The following SLC35F2 variants were observed in gnomAD, a reference collection of about 807,000 sequenced individuals.
The protein encoded by SLC35F2 is solute carrier family 35 member F2, also known as queuine/queuosine transporter SLC35F2.
Under a neutral mutation model 38.1 loss-of-function variants are expected in SLC35F2, and 25 were observed. The observed-to-expected ratio is 0.66, with a 90% CI of 0.48 to 0.92. SLC35F2 has a LOEUF of 0.92. Ranked by LOEUF, SLC35F2 falls within the 40% of genes least tolerant of loss-of-function variation. The probability of loss-of-function intolerance (pLI) is 0.00; values close to 1 mark genes in which losing one functional copy is unlikely to be tolerated. For synonymous variants in SLC35F2, 173 were observed against 181.7 expected, an observed-to-expected ratio of 0.95 and a Z score of 0.38; for missense variants, 409 against 452.9, an observed-to-expected ratio of 0.90 and a Z score of 0.88.
intron 7 of SLC35F2, among the ~76,000 whole-genome samples, chr11:107,802,242 A>AAAAAAAAAAAAATAAAT (rs559048077): frequency 6.8e-6 from 1 of 147,892 alleles, no homozygotes; most frequent in Non-Finnish European, 1.5e-5. Context: ...CATCTCAAAA[A>AAAAAAAAAAAAATAAAT]AAATAAATAA....
intron 3 of SLC35F2, among the ~76,000 whole-genome samples, chr11:107,809,388 G>A (rs1859446453): frequency 6.7e-6 from 1 of 148,798 alleles, no homozygotes; most frequent in Non-Finnish European, 1.5e-5. Flanking sequence ...CAGCTACTCA[G>A]GAGGCCAAGG....
At chr11:107,818,056 CAA>C (rs57787130) in intron 1 of SLC35F2, among the ~76,000 whole-genome samples, 4,677 of 65,922 alleles carry the variant, frequency 0.071, 284 homozygotes, top group African/African-American at 0.12. Context: ...GACTCTGTCT[CAA>C]AAAAAAAAAA....
intron 7 of SLC35F2, among the ~76,000 whole-genome samples, chr11:107,797,690 T>C (rs553752683): frequency 1.1e-4 from 17 of 152,308 alleles, no homozygotes; most frequent in African/African-American, 4.1e-4. Context: ...AGATGCTCAA[T>C]TATTTCTTAA....
intron 1 of SLC35F2, among the ~76,000 whole-genome samples, chr11:107,854,152 C>A (rs1299951203): frequency 1.3e-5 from 2 of 152,044 alleles, no homozygotes; most frequent in African/African-American, 2.4e-5. Flanking sequence ...AATAATAATA[C>A]CAGGTGCAGT....
chr11:107,820,904 T>C (rs1859659452), intron 1 of SLC35F2, among the ~76,000 whole-genome samples: 2 of 152,058 alleles, frequency 1.3e-5, no homozygotes, highest in South Asian at 4.1e-4. Flanking sequence ...TTCAGTGAGC[T>C]GAGATGGCGC....
At chr11:107,828,316 C>T (rs1488203663) in intron 1 of SLC35F2, among the ~76,000 whole-genome samples, 2 of 151,696 alleles carry the variant, frequency 1.3e-5, no homozygotes, top group Non-Finnish European at 2.9e-5. Context: ...AGCCTGTAAT[C>T]CCAGCTACTC....
In SLC35F2 at chr11:107,804,713, C is replaced by T. The variant is rs1340875322; in HGVS notation, c.784+5G>A. The T allele has an allele frequency of 6.3e-7, 1 of 1,593,242 alleles. No individual in the cohort carries two copies. Among genetic ancestry groups the T allele is most frequent in the Non-Finnish European group, 8.6e-7 (1 of 1,165,836 alleles). On this transcript the variant is annotated splice_donor_5th_base_variant and intron_variant, in intron 6 of 7. Transcript: ENST00000525815. Reference sequence around the variant, plus strand: ...CTGACTAAAAGGAATTATTTCTTTACATACCAATTTTCCAGTCCCAATGAA... The same window carrying T: ...CTGACTAAAAGGAATTATTTCTTTATATACCAATTTTCCAGTCCCAATGAA...
At chr11:107,818,250 C>A (rs1859616126) in intron 1 of SLC35F2, among the ~76,000 whole-genome samples, 1 of 151,594 alleles carries the variant, frequency 6.6e-6, no homozygotes, top group Admixed American at 6.6e-5. Context: ...CGGCAACATG[C>A]CAAAACCCCA....
At chr11:107,856,030 G>A (rs1296330717) in intron 1 of SLC35F2, among the ~76,000 whole-genome samples, 3 of 150,312 alleles carry the variant, frequency 2.0e-5, no homozygotes, top group Non-Finnish European at 4.4e-5. Flanking sequence ...ACTTGAACCC[G>A]GGAGGCAGAG....
chr11:107,813,031 T>C (rs564422549), intron 2 of SLC35F2, among the ~76,000 whole-genome samples: 2 of 152,324 alleles, frequency 1.3e-5, no homozygotes, highest in East Asian at 1.9e-4. Context: ...TCACAGGAGA[T>C]GCAGAGTTGG....
chr11:107,792,504 C>T lies in SLC35F2; in HGVS notation c.*111G>A. The T allele has an allele frequency of 5.4e-6, 7 of 1,288,196 alleles. No individual in the cohort carries two copies. The South Asian group carries it at 1.2e-4, about 22-fold the overall frequency. The allele number at this position is 1,288,196 out of a possible 1,614,324, so 79.8% of individuals were successfully genotyped here. A position where few individuals can be genotyped will look rare whatever the true frequency, so the allele number is the denominator to read the frequency against. On this transcript the variant is annotated 3_prime_UTR_variant, in exon 8 of 8. Coordinates refer to ENST00000525815, the MANE Select transcript of SLC35F2 (RefSeq NM_017515.5). ...TCTAAAACCTAACCACTGGATCCAA[C>T]CCAGGGTTGTAGAGTGTCCATTCTG...
At chr11:107,827,920 A>AAATT (rs911009530) in intron 1 of SLC35F2, among the ~76,000 whole-genome samples, 6 of 152,150 alleles carry the variant, frequency 3.9e-5, no homozygotes, top group African/African-American at 9.7e-5. Flanking sequence ...CAAAATAAAT[A>AAATT]AATTAATTAA....
chr11:107,817,851 A>G (rs1440172772), intron 1 of SLC35F2, among the ~76,000 whole-genome samples: 2 of 151,282 alleles, frequency 1.3e-5, no homozygotes, highest in East Asian at 3.9e-4. Flanking sequence ...CAAAGTCAGG[A>G]GTTCGAGACC....
At chr11:107,828,263 C>T (rs1357627529) in intron 1 of SLC35F2, among the ~76,000 whole-genome samples, 7 of 151,970 alleles carry the variant, frequency 4.6e-5, no homozygotes, top group South Asian at 2.1e-4. Context: ...GGTGAAACCA[C>T]GTCTCTATTA....
rs1399191149 is a variant in SLC35F2, at chr11:107,843,863, AAAAAAATATATATATATAT to A, written c.110+14776_110+14794del. Among the ~76,000 whole-genome samples, 53 of 33,764 alleles carry A rather than the reference AAAAAAATATATATATATAT, an allele frequency of 1.6e-3. 2 individuals carry two copies. The highest frequency in any genetic ancestry group is 5.0e-3 in the Admixed American group (12 of 2,400). The allele number at this position is 33,764 out of a possible 152,430, so 22.2% of individuals were successfully genotyped here. A position where few individuals can be genotyped will look rare whatever the true frequency, so the allele number is the denominator to read the frequency against. On this transcript the variant is annotated intron_variant, in intron 1 of 7. Coordinates refer to ENST00000525815, the MANE Select transcript of SLC35F2 (RefSeq NM_017515.5). ...CTGTATCTTAAAAAAAAAAAAAAAA[AAAAAAATATATATATATAT>A]ATATATATATATATATATATATATA...
chr11:107,799,864 T>C (rs1360785015), intron 7 of SLC35F2, among the ~76,000 whole-genome samples: 1 of 147,436 alleles, frequency 6.8e-6, no homozygotes, highest in African/African-American at 2.5e-5. Flanking sequence ...CGGCACACTT[T>C]GGCTTTTTTT....
At chr11:107,822,530 A>G (rs987223514) in intron 1 of SLC35F2, among the ~76,000 whole-genome samples, 7 of 152,096 alleles carry the variant, frequency 4.6e-5, no homozygotes, top group African/African-American at 1.7e-4. Context: ...CCCAGAACAC[A>G]TCGGGGAGCT....
At chr11:107,858,169 G>T (rs1361359814) in intron 1 of SLC35F2, among the ~76,000 whole-genome samples, 1 of 152,134 alleles carries the variant, frequency 6.6e-6, no homozygotes, top group Non-Finnish European at 1.5e-5. Flanking sequence ...TCTCCCACCC[G>T]GCAGCAGCAC....
At chr11:107,849,315 G>A (rs7102503) in intron 1 of SLC35F2, among the ~76,000 whole-genome samples, 3,126 of 152,242 alleles carry the variant, frequency 0.021, 92 homozygotes, top group African/African-American at 0.07. Flanking sequence ...CTAAGTGAGA[G>A]ATGATAAAGG....
Sources: allele counts gnomAD v4.1 joint callset (sites outside exome capture counted in the v4.1 genomes callset), GRCh38; gene constraint gnomAD v4.1.1; transcripts MANE v1.5; gene names NCBI Gene and HGNC (gene_info 2026-07-23, HGNC 2026-07-21).